The following RNPEPL1 variants were observed in gnomAD, a reference collection of about 807,000 sequenced individuals.
The protein encoded by RNPEPL1 is arginyl aminopeptidase like 1.
In RNPEPL1, 46 loss-of-function variants were observed where a neutral mutation model predicts 69.0. The observed-to-expected ratio is 0.67, with a 90% CI of 0.53 to 0.85. The LOEUF is 0.85. Ranked by LOEUF, RNPEPL1 falls within the 40% of genes least tolerant of loss-of-function variation. The probability of loss-of-function intolerance (pLI) is 0.00; values close to 1 mark genes in which losing one functional copy is unlikely to be tolerated. For synonymous variants in RNPEPL1, 525 were observed against 454.1 expected, an observed-to-expected ratio of 1.16 and a Z score of -1.98; for missense variants, 869 against 992.5, an observed-to-expected ratio of 0.88 and a Z score of 1.67.
intron 1 of RNPEPL1, among the ~76,000 whole-genome samples, chr2:240,571,279 G>T (rs1211394475): frequency 6.6e-6 from 1 of 152,180 alleles, no homozygotes; most frequent in African/African-American, 2.4e-5. Flanking sequence ...CGGGACTGCG[G>T]GGGAGGCAGC....
In RNPEPL1 at chr2:240,580,184, T is replaced by C. The variant is rs1575440730; in HGVS notation, c.*2292T>C. The C allele has an allele frequency of 6.6e-6, 1 of 152,438 alleles. No homozygotes were observed. Among genetic ancestry groups the C allele is most frequent in the East Asian group, 1.9e-4 (1 of 5,170 alleles). The allele number at this position is 152,438 out of a possible 1,614,324, so 9.4% of individuals were successfully genotyped here. A position where few individuals can be genotyped will look rare whatever the true frequency, so the allele number is the denominator to read the frequency against. On this transcript the variant is annotated 3_prime_UTR_variant, in exon 11 of 11. Coordinates refer to ENST00000270357, the MANE Select transcript of RNPEPL1 (RefSeq NM_018226.6). ...AGCTTGCAAGTGCAGAATTTTTTTT[T>C]AGCTCGTCGCTTCCCTGCAGTCCCT...
Position 240,577,605 on chromosome 2 carries a change from C to T in RNPEPL1, c.1891C>T (p.Arg631Cys), listed in dbSNP as rs761000154. The T allele has an allele frequency of 1.1e-5, 18 of 1,571,944 alleles. No homozygotes were observed. The highest frequency in any genetic ancestry group is 1.7e-4 in the Middle Eastern group (1 of 5,894). Residue 631 changes from arginine (R) to cysteine (C), a missense_variant, in exon 11 of 11, where the codon CGC becomes TGC. Coordinates refer to ENST00000270357, the MANE Select transcript of RNPEPL1 (RefSeq NM_018226.6). Reference protein sequence around the residue: ...VRRFLESQMSRMYTIPLYEDL... With the variant: ...VRRFLESQMSCMYTIPLYEDL... The stretch of plus-strand genomic sequence containing the variant: ...CCGAGTGCCCCTCCTGCAGATGTCA[C>T]GCATGTACACCATCCCGCTGTACGA...
At position 240,574,541 on chromosome 2, in the gene RNPEPL1, GCCTT is replaced by G; in HGVS notation, c.1204_1207del (p.Phe402AlafsTer9). On this transcript the variant is annotated frameshift_variant, in exon 6 of 11. Coordinates refer to ENST00000270357, the MANE Select transcript of RNPEPL1 (RefSeq NM_018226.6). LOFTEE classifies it high-confidence loss of function. ...TGCTGCCTTCACCTGCCTGGAGACT[GCCTT>G]CCGCCTGGACGCCCTGCACCGGCAG... 2.5e-6 allele frequency: 4 copies of G among 1,612,412 alleles called. No individual in the cohort carries two copies. Among genetic ancestry groups the G allele is most frequent in the Non-Finnish European group, 3.4e-6 (4 of 1,179,776 alleles).
rs1281453562 is a variant in RNPEPL1 at position 240,577,940 on chromosome 2, C to T, written c.*48C>T. On this transcript the variant is annotated 3_prime_UTR_variant, in exon 11 of 11. Coordinates refer to ENST00000270357, the MANE Select transcript of RNPEPL1 (RefSeq NM_018226.6). ...GACCTCCCAGACACCACAATTGTGC[C>T]TTCTGTGGGCCAGGCCTGCCATGAC... 1 of 1,421,642 alleles carries T rather than the reference C, an allele frequency of 7.0e-7. No homozygotes were observed. The highest frequency in any genetic ancestry group is 9.3e-7 in the Non-Finnish European group (1 of 1,076,766). The allele number at this position is 1,421,642 out of a possible 1,614,324, so 88.1% of individuals were successfully genotyped here.
chr2:240,576,706 G>A lies in RNPEPL1; in HGVS notation c.1682G>A (p.Arg561Lys), dbSNP rs1434664901. ...SASAIDISKW[R>K]TFQTALFLDR... Reference sequence around the variant, plus strand: ...AGCGCCATTGACATCTCCAAGTGGAGGACCTTCCAGACAGCACTCTTCCTG... The same window carrying A: ...AGCGCCATTGACATCTCCAAGTGGAAGACCTTCCAGACAGCACTCTTCCTG... Residue 561 changes from arginine to lysine, a missense_variant, in exon 9 of 11, where the codon AGG becomes AAG. Around this residue, in one of 2 missense-constraint regions of RNPEPL1, gnomAD observed 610 missense variants for 790.9 expected, o/e 0.77. Coordinates refer to ENST00000270357, the MANE Select transcript of RNPEPL1 (RefSeq NM_018226.6). 2 of 1,613,004 alleles carry A rather than the reference G, an allele frequency of 1.2e-6. No individual in the cohort carries two copies. The highest frequency in any genetic ancestry group is 8.5e-7 in the Non-Finnish European group (1 of 1,179,966).
chr2:240,571,304 A>G (rs893275200), intron 1 of RNPEPL1, among the ~76,000 whole-genome samples: 2 of 152,064 alleles, frequency 1.3e-5, no homozygotes, highest in Non-Finnish European at 1.5e-5. Flanking sequence ...CTGGTCTGGG[A>G]TCCTCCAGGC....
intron 1 of RNPEPL1, among the ~76,000 whole-genome samples, chr2:240,572,050 G>A (rs1434914816): frequency 6.6e-6 from 1 of 152,258 alleles, no homozygotes; most frequent in Admixed American, 6.5e-5. Flanking sequence ...TTTGGACTGA[G>A]TGTGTCCCTA....
In RNPEPL1 at chr2:240,573,140, G is replaced by A; in HGVS notation, c.700G>A (p.Ala234Thr). 3 of 1,610,086 alleles carry A rather than the reference G, an allele frequency of 1.9e-6. No homozygotes were observed. Among genetic ancestry groups the A allele is most frequent in the Non-Finnish European group, 2.5e-6 (3 of 1,178,910 alleles). Residue 234 changes from alanine (A) to threonine (T), a missense_variant, in exon 3 of 11, where the codon GCC becomes ACC. By Grantham distance (58) the Ala-to-Thr change is moderately conservative. Transcript: ENST00000270357. ...ATCGGGGGTGCAGGTGCTGATGAGT[G>A]CCACCCGGAGTGCATACATGGAGGA... Reference protein sequence around the residue: ...APSGVQVLMSATRSAYMEEEG... With the variant: ...APSGVQVLMSTTRSAYMEEEG...
intron 1 of RNPEPL1, among the ~76,000 whole-genome samples, chr2:240,571,008 G>C (rs1227601246): frequency 1.3e-5 from 2 of 152,136 alleles, no homozygotes; most frequent in African/African-American, 4.8e-5. Flanking sequence ...CCACAGGAGA[G>C]GAGTAGTTGT....
At position 240,579,393 on chromosome 2, in the gene RNPEPL1, G is replaced by A. The variant is rs539410864; in HGVS notation, c.*1501G>A. 6.7e-6 allele frequency: 1 copy of A among 150,082 alleles called. No individual in the cohort carries two copies. The highest frequency in any genetic ancestry group is 2.1e-4 in the East Asian group (1 of 4,746). The allele number at this position is 150,082 out of a possible 1,614,324, so 9.3% of individuals were successfully genotyped here. On this transcript the variant is annotated 3_prime_UTR_variant, in exon 11 of 11. Transcript: ENST00000270357. ...CAAGGACATATGAGTCCCCTCCAGT[G>A]GCGGTGGCAACTCTGGTCTAGGGTC...
At position 240,575,901 on chromosome 2, in the gene RNPEPL1, C is replaced by T. The variant is rs745918242; in HGVS notation, c.1510+291C>T. The T allele has an allele frequency of 1.4e-4, 64 of 452,494 alleles. No individual in the cohort carries two copies. In the Middle Eastern group the frequency reaches 1.9e-3, roughly 13 times the overall value. The allele number at this position is 452,494 out of a possible 1,614,324, so 28.0% of individuals were successfully genotyped here. A position where few individuals can be genotyped will look rare whatever the true frequency, so the allele number is the denominator to read the frequency against. On this transcript the variant is annotated intron_variant, in intron 8 of 10. Coordinates refer to ENST00000270357, the MANE Select transcript of RNPEPL1 (RefSeq NM_018226.6). ...TGCAAAGGGCCTGGTGCAGGAAGGG[C>T]GGGTGACGGGGGTGTCCTGGAGCTG... is the stretch of plus-strand genomic sequence containing the variant.
chr2:240,568,669 T>G lies in RNPEPL1; in HGVS notation c.83T>G (p.Leu28Arg). The G allele has an allele frequency of 7.8e-6, 8 of 1,031,104 alleles. No homozygotes were observed. Among genetic ancestry groups the G allele is most frequent in the Non-Finnish European group, 9.3e-6 (8 of 861,072 alleles). The allele number at this position is 1,031,104 out of a possible 1,614,324, so 63.9% of individuals were successfully genotyped here. The change falls in exon 1 of 11, where the codon CTG becomes CGG. Residue 28 changes from leucine (L) to arginine (R), a missense_variant. This residue lies in a region of RNPEPL1 where 259 missense variants were observed against 201.5 expected (regional missense o/e 1.29). Transcript: ENST00000270357. This position sits in a 1 kb window ranked among gnomAD's most constrained non-coding sequence, Gnocchi z 6.2. ...VRPPPEPPPA[L>R]DVASASSAQL... ...CCGCCGCCCGAGCCGCCGCCCGCCC[T>G]GGACGTGGCCTCGGCCTCCAGCGCG...
intron 1 of RNPEPL1, 139 bp from the exon 2 acceptor site, chr2:240,572,284 T>C (rs904870817): frequency 4.1e-6 from 4 of 987,328 alleles, no homozygotes; most frequent in East Asian, 2.7e-5. Flanking sequence ...GGGGTGGCTA[T>C]TGGCCCTCGA....
Position 240,574,503 on chromosome 2 carries a change from G to T in RNPEPL1, c.1175-12G>T, listed in dbSNP as rs188145464. ...CCCCCTCACCTCTCCTCTGTCTCCGGACCCCATCCAGGTGCTGCCTTCACC... is the reference window on the plus strand; with the variant it reads ...CCCCCTCACCTCTCCTCTGTCTCCGTACCCCATCCAGGTGCTGCCTTCACC... On this transcript the variant is annotated splice_polypyrimidine_tract_variant and intron_variant, in intron 5 of 10. Coordinates refer to ENST00000270357, the MANE Select transcript of RNPEPL1 (RefSeq NM_018226.6). 1.4e-5 allele frequency: 22 copies of T among 1,606,298 alleles called. No individual in the cohort carries two copies. In the East Asian group the frequency reaches 4.9e-4, roughly 36 times the overall value.
chr2:240,570,596 C>T (rs2093018512), intron 1 of RNPEPL1, among the ~76,000 whole-genome samples: 1 of 152,212 alleles, frequency 6.6e-6, no homozygotes, highest in African/African-American at 2.4e-5. Context: ...GCAGCGGAAG[C>T]TCCCTGGGAG....
chr2:240,575,049 G>C lies in RNPEPL1; in HGVS notation c.1308G>C (p.Leu436=). The C allele has an allele frequency of 6.2e-7, 1 of 1,613,750 alleles. No individual in the cohort carries two copies. Among genetic ancestry groups the C allele is most frequent in the Non-Finnish European group, 8.5e-7 (1 of 1,179,960 alleles). The change falls in exon 7 of 11, where the codon CTG becomes CTC. Residue 436 remains leucine, a synonymous_variant. Coordinates refer to ENST00000270357, the MANE Select transcript of RNPEPL1 (RefSeq NM_018226.6). ...KLEPGVNPSH[L]MNLFTYEKGY... ...TTGCAGGAGTGAATCCCAGCCACCT[G>C]ATGAACCTGTTCACCTACGAGAAGG...
intron 6 of RNPEPL1, 42 bp from the exon 7 acceptor site, chr2:240,574,988 G>A: frequency 6.8e-7 from 1 of 1,464,346 alleles, no homozygotes; most frequent in Middle Eastern, 1.7e-4. Flanking sequence ...ACGGGACACT[G>A]GTGGTTTCGG....
Position 240,568,514 on chromosome 2 carries a change from GC to G in RNPEPL1, c.-71del. Reference sequence around the variant, plus strand: ...CCTGTTGTGCCCGCGCCCCGCCGCCGCCGCCGCCCGGCGCCCCTCGCCCGCG... The same window carrying G: ...CCTGTTGTGCCCGCGCCCCGCCGCCGCGCCGCCCGGCGCCCCTCGCCCGCG... On this transcript the variant is annotated 5_prime_UTR_variant, in exon 1 of 11. Coordinates refer to ENST00000270357, the MANE Select transcript of RNPEPL1 (RefSeq NM_018226.6). This position sits in a 1 kb window ranked among gnomAD's most constrained non-coding sequence, Gnocchi z 6.2. 1.3e-6 allele frequency: 1 copy of G among 751,526 alleles called. No homozygotes were observed. Among genetic ancestry groups the G allele is most frequent in the Non-Finnish European group, 1.6e-6 (1 of 620,642 alleles). The allele number at this position is 751,526 out of a possible 1,614,324, so 46.6% of individuals were successfully genotyped here.
intron 10 of RNPEPL1, 129 bp downstream of exon 10, chr2:240,577,119 G>A (rs1009553614): frequency 7.0e-5 from 84 of 1,203,646 alleles, no homozygotes; most frequent in South Asian, 5.4e-4. Flanking sequence ...CGGGGAAGAC[G>A]TAGGGGTCTG....
Sources: allele counts gnomAD v4.1 joint callset (sites outside exome capture counted in the v4.1 genomes callset), GRCh38; gene constraint gnomAD v4.1.1; regional missense constraint gnomAD v4.1.1; non-coding constraint Gnocchi (gnomAD v3.1); transcripts MANE v1.5; gene names NCBI Gene and HGNC (gene_info 2026-07-23, HGNC 2026-07-21).